Variants in GRM5 observed in about 807,000 individuals in gnomAD.
GRM5 encodes glutamate metabotropic receptor 5, also known as metabotropic glutamate receptor 5.
In GRM5, 19 loss-of-function variants were observed where a neutral mutation model predicts 83.1. That is an observed-to-expected ratio of 0.23 (90% CI 0.16 to 0.34). The LOEUF (loss-of-function observed/expected upper bound fraction) is 0.34. Among genes scored for constraint, GRM5 ranks in the 10% least tolerant of loss-of-function variants. The probability of loss-of-function intolerance (pLI) is 1.00; values close to 1 mark genes in which losing one functional copy is unlikely to be tolerated. For synonymous variants in GRM5, 675 were observed against 633.6 expected (o/e 1.07, Z -0.98); for missense variants, 1,160 against 1,588.3 (o/e 0.73, Z 4.58).
chr11:88,551,028 G>T (rs1324229744), intron 8 of GRM5, among the ~76,000 whole-genome samples: 2 of 151,846 alleles, frequency 1.3e-5, no homozygotes, highest in Non-Finnish European at 2.9e-5. Flanking sequence ...TGTTTTAATG[G>T]TTCAGTGAAT....
chr11:88,929,987 A>C (rs530550139), intron 2 of GRM5, among the ~76,000 whole-genome samples: 4 of 152,284 alleles, frequency 2.6e-5, no homozygotes, highest in Admixed American at 1.3e-4. Flanking sequence ...AAATGTACAC[A>C]GTCAAATTTG....
intron 3 of GRM5, among the ~76,000 whole-genome samples, chr11:88,823,550 T>G (rs1590886571): frequency 6.6e-6 from 1 of 151,354 alleles, no homozygotes; most frequent in East Asian, 1.9e-4. Flanking sequence ...CTAGAGACTG[T>G]GTCTGTGAGT....
intron 2 of GRM5, among the ~76,000 whole-genome samples, chr11:88,935,765 C>T (rs1325388883): frequency 1.3e-5 from 2 of 151,850 alleles, no homozygotes; most frequent in Admixed American, 1.3e-4. Context: ...CATTTATAAA[C>T]CACACATTTT....
At chr11:88,710,291 A>C (rs1012486541) in intron 3 of GRM5, among the ~76,000 whole-genome samples, 2 of 152,134 alleles carry the variant, frequency 1.3e-5, no homozygotes, top group Non-Finnish European at 2.9e-5. Context: ...GGTCTAGAAA[A>C]AAATAGTCTC....
chr11:88,710,291 A>G (rs1012486541), intron 3 of GRM5, among the ~76,000 whole-genome samples: 1 of 152,134 alleles, frequency 6.6e-6, no homozygotes, highest in Non-Finnish European at 1.5e-5. Context: ...GGTCTAGAAA[A>G]AAATAGTCTC....
intron 3 of GRM5, among the ~76,000 whole-genome samples, chr11:88,743,600 G>C (rs562841429): frequency 2.2e-4 from 33 of 152,230 alleles, no homozygotes; most frequent in Admixed American, 6.5e-4. Flanking sequence ...CTCACAGGCT[G>C]AATGGGCTTG....
chr11:88,941,824 C>T (rs186350130), intron 2 of GRM5, among the ~76,000 whole-genome samples: 1 of 152,044 alleles, frequency 6.6e-6, no homozygotes, highest in East Asian at 1.9e-4. Context: ...CATACAACAT[C>T]ACCAATAGCA....
At chr11:89,033,911 T>C (rs1941323016) in intron 2 of GRM5, among the ~76,000 whole-genome samples, 1 of 151,844 alleles carries the variant, frequency 6.6e-6, no homozygotes, top group Non-Finnish European at 1.5e-5. Context: ...AAGAGACAGA[T>C]ATCAAGAAAT....
intron 2 of GRM5, among the ~76,000 whole-genome samples, chr11:88,928,462 GTGTATATATA>G (rs1945828438): frequency 9.9e-5 from 1 of 10,060 alleles, no homozygotes; most frequent in East Asian, 0.01. Context: ...GTGTGTGTGT[GTGTATATATA>G]TATATATATA....
At position 88,586,080 on chromosome 11, in the gene GRM5, T is replaced by C. The variant is rs560060541; in HGVS notation, c.1690+4521A>G. Reference sequence around the variant, plus strand: ...TATTGATGAAGATACATTCTCATAATATCATTCAATCCTCTGCATACATGT... The same window carrying C: ...TATTGATGAAGATACATTCTCATAACATCATTCAATCCTCTGCATACATGT... On this transcript the variant is annotated intron_variant, in intron 7 of 9. Transcript: ENST00000305447. Among the ~76,000 whole-genome samples, 6 of 151,636 alleles carry C rather than the reference T, an allele frequency of 4.0e-5. No homozygotes were observed. In the East Asian group the frequency reaches 9.7e-4, roughly 24 times the overall value.
chr11:88,556,479 T>A (rs991864494), intron 8 of GRM5, among the ~76,000 whole-genome samples: 4 of 151,932 alleles, frequency 2.6e-5, no homozygotes, highest in African/African-American at 9.7e-5. Context: ...CCCACCATCA[T>A]GCCCCGCTAA....
rs79861528 is a variant in GRM5 at position 88,804,911 on chromosome 11, C to T, written c.911+44995G>A. 3.9e-4 allele frequency among the ~76,000 whole-genome samples: 59 copies of T among 152,196 alleles called. 1 individual carries two copies. The East Asian group carries it at 0.011, about 27-fold the overall frequency. On this transcript the variant is annotated intron_variant, in intron 3 of 9. Transcript: ENST00000305447. ...GTGATAGTTACACTAAAAGCCCAGA[C>T]TTCACTACACAATATATCCATGTAA...
At chr11:88,898,648 C>T (rs1945271268) in intron 2 of GRM5, among the ~76,000 whole-genome samples, 1 of 152,010 alleles carries the variant, frequency 6.6e-6, no homozygotes, top group Admixed American at 6.6e-5. Flanking sequence ...CACACACACA[C>T]ACATAAACAC....
Position 88,690,497 on chromosome 11 carries a change from T to C in GRM5, c.912-37094A>G, listed in dbSNP as rs999932140. Among the ~76,000 whole-genome samples, 7 of 152,182 alleles carry C rather than the reference T, an allele frequency of 4.6e-5. No individual in the cohort carries two copies. In the East Asian group the frequency reaches 1.3e-3, roughly 29 times the overall value. On this transcript the variant is annotated intron_variant, in intron 3 of 9. Transcript: ENST00000305447. ...TGCTGCTTTATTTTTTAAAAAAAAATGAGTTCTGAAATGAATTAATTACAA... is the reference window on the plus strand; with the variant it reads ...TGCTGCTTTATTTTTTAAAAAAAAACGAGTTCTGAAATGAATTAATTACAA...
chr11:88,925,020 A>G (rs1945761885), intron 2 of GRM5, among the ~76,000 whole-genome samples: 2 of 152,084 alleles, frequency 1.3e-5, no homozygotes, highest in Non-Finnish European at 2.9e-5. Flanking sequence ...TCAGCTAGGA[A>G]AAAACCTGAA....
intron 3 of GRM5, among the ~76,000 whole-genome samples, chr11:88,737,057 G>T (rs1038633214): frequency 6.6e-6 from 1 of 152,176 alleles, no homozygotes; most frequent in East Asian, 1.9e-4. Flanking sequence ...GAAGAAGGAG[G>T]TCACTAGAGG....
chr11:89,008,124 G>GA (rs1265451343), intron 2 of GRM5, among the ~76,000 whole-genome samples: 3 of 151,904 alleles, frequency 2.0e-5, no homozygotes, highest in Non-Finnish European at 4.4e-5. Context: ...AGGAAACTGT[G>GA]AAAAAACAGT....
intron 3 of GRM5, among the ~76,000 whole-genome samples, chr11:88,698,459 GACTTCC>G (rs1476013213): frequency 1.3e-5 from 2 of 152,128 alleles, no homozygotes; most frequent in African/African-American, 4.8e-5. Flanking sequence ...AATCTTCCAT[GACTTCC>G]ACTATTATAC....
intron 4 of GRM5, among the ~76,000 whole-genome samples, chr11:88,636,349 T>C (rs932129537): frequency 1.3e-5 from 2 of 152,092 alleles, no homozygotes; most frequent in African/African-American, 4.8e-5. Context: ...CTGTCCCTAC[T>C]AGAAATACCA....
Sources: gnomAD v4.1 joint callset for allele counts (sites outside exome capture counted in the v4.1 genomes callset) on GRCh38, gnomAD v4.1.1 for gene constraint, MANE v1.5 for transcripts, NCBI Gene and HGNC (gene_info 2026-07-23, HGNC 2026-07-21) for gene names.